The following ADAMTS17 variants were observed in gnomAD, a reference collection of about 807,000 sequenced individuals.
ADAMTS17 encodes the protein A disintegrin and metalloproteinase with thrombospondin motifs 17.
Under a neutral mutation model 141.5 loss-of-function variants are expected in ADAMTS17, and 113 were observed. The observed-to-expected ratio is 0.80, with a 90% CI of 0.69 to 0.93. The LOEUF (loss-of-function observed/expected upper bound fraction) is 0.93. Among genes scored for constraint, ADAMTS17 ranks in the 40% least tolerant of loss-of-function variants. ADAMTS17 has a pLI of 0.00. For synonymous variants in ADAMTS17, 768 were observed against 630.6 expected (o/e 1.22, Z -3.27); for missense variants, 1,659 against 1,517.9 (o/e 1.09, Z -1.54).
chr15:100,270,780 A>G, intron 4 of ADAMTS17, among the ~76,000 whole-genome samples: 1 of 146,246 alleles, frequency 6.8e-6, no homozygotes, highest in Non-Finnish European at 1.5e-5. Context: ...TACCATTTTA[A>G]ACATTTTTAA....
intron 8 of ADAMTS17, among the ~76,000 whole-genome samples, chr15:100,164,688 A>T (rs74037521): frequency 1.3e-5 from 2 of 152,132 alleles, no homozygotes; most frequent in Non-Finnish European, 1.5e-5. Context: ...AGGCAGGTGG[A>T]CTGGCGGGGA....
Position 100,152,636 on chromosome 15 carries a change from A to C in ADAMTS17, c.1449T>G (p.Asn483Lys), listed in dbSNP as rs1405247921. The change falls in exon 10 of 22, where the codon AAT becomes AAG. Residue 483 changes from asparagine to lysine, a missense_variant. Physicochemically the swap from Asn to Lys is moderately conservative, Grantham distance 94 (BLOSUM62 0). Coordinates refer to ENST00000268070, the MANE Select transcript of ADAMTS17 (RefSeq NM_139057.4). ...CCTCCATGTTTCTGCAGAAGGTGGC[A>C]TTCATGCCAAACAGGATCTGGCACT... is the stretch of plus-strand genomic sequence containing the variant. ...NEQCQILFGM[N>K]ATFCRNMEHL... 3 of 1,613,980 alleles carry C rather than the reference A, an allele frequency of 1.9e-6. No homozygotes were observed. In the East Asian group the frequency reaches 6.7e-5, roughly 36 times the overall value.
chr15:100,156,906 C>T (rs2039462803), intron 8 of ADAMTS17, among the ~76,000 whole-genome samples: 1 of 152,174 alleles, frequency 6.6e-6, no homozygotes, highest in Non-Finnish European at 1.5e-5. Flanking sequence ...GTGTATTAGT[C>T]CATTTTCACA....
chr15:100,097,293 G>A (rs1473952469), intron 14 of ADAMTS17, among the ~76,000 whole-genome samples: 1 of 152,120 alleles, frequency 6.6e-6, no homozygotes, highest in Non-Finnish European at 1.5e-5. Context: ...TAAAGCTAAT[G>A]CTTCCAGAAC....
intron 8 of ADAMTS17, among the ~76,000 whole-genome samples, chr15:100,194,948 G>C (rs1012785791): frequency 3.9e-5 from 6 of 152,204 alleles, no homozygotes; most frequent in African/African-American, 1.4e-4. Context: ...AAGGCAAAAG[G>C]AGACCCCGGC....
At chr15:100,297,478 G>A (rs745690241) in intron 3 of ADAMTS17, among the ~76,000 whole-genome samples, 1 of 152,120 alleles carries the variant, frequency 6.6e-6, no homozygotes, top group African/African-American at 2.4e-5. Flanking sequence ...AACTGCAGGT[G>A]GGAAGAAGCA....
chr15:100,275,682 T>C (rs1247067707), intron 4 of ADAMTS17, among the ~76,000 whole-genome samples: 2 of 152,032 alleles, frequency 1.3e-5, no homozygotes, highest in Non-Finnish European at 2.9e-5. Flanking sequence ...AAAATGGGAA[T>C]GACGAAATCC....
intron 3 of ADAMTS17, among the ~76,000 whole-genome samples, chr15:100,283,818 G>T (rs1244117575): frequency 6.6e-6 from 1 of 152,154 alleles, no homozygotes; most frequent in East Asian, 1.9e-4. Context: ...TCAAAATCCT[G>T]CACTGCACTG....
At chr15:100,107,321 C>G (rs1037217392) in intron 14 of ADAMTS17, among the ~76,000 whole-genome samples, 2 of 152,140 alleles carry the variant, frequency 1.3e-5, no homozygotes, top group African/African-American at 4.8e-5. Flanking sequence ...GCCTGGAAGC[C>G]AGCATCTGGC....
chr15:100,048,519 A>G (rs1000742506), intron 18 of ADAMTS17, among the ~76,000 whole-genome samples: 2 of 148,842 alleles, frequency 1.3e-5, no homozygotes, highest in African/African-American at 5.0e-5. Context: ...AGACTCCAAT[A>G]TTTGTTTCCT....
chr15:100,299,391 A>C (rs1281254833), intron 3 of ADAMTS17, among the ~76,000 whole-genome samples: 1 of 151,824 alleles, frequency 6.6e-6, no homozygotes, highest in Non-Finnish European at 1.5e-5. Context: ...ATCCGCAAAA[A>C]ACAAACGCCA....
intron 10 of ADAMTS17, 23 bp downstream of exon 10, chr15:100,152,589 C>A: frequency 1.6e-5 from 26 of 1,612,430 alleles, no homozygotes; most frequent in Non-Finnish European, 2.1e-5. Flanking sequence ...CTGTCCCGAG[C>A]CAGCCCTCCC....
chr15:100,078,841 A>G (rs931566075), intron 15 of ADAMTS17, among the ~76,000 whole-genome samples: 1 of 152,230 alleles, frequency 6.6e-6, no homozygotes, highest in African/African-American at 2.4e-5. Flanking sequence ...CTGCATCCAG[A>G]ATATATAAAG....
chr15:99,994,006 T>TGCGTCTGGAGC (rs1401865335), intron 19 of ADAMTS17, among the ~76,000 whole-genome samples: 12 of 151,758 alleles, frequency 7.9e-5, no homozygotes, highest in African/African-American at 2.4e-5. Context: ...CACTCTGGAG[T>TGCGTCTGGAGC]GCGTCTGGAG....
intron 8 of ADAMTS17, among the ~76,000 whole-genome samples, chr15:100,174,164 C>T (rs189584713): frequency 4.6e-5 from 7 of 152,336 alleles, no homozygotes; most frequent in Admixed American, 4.6e-4. Flanking sequence ...TCACAGACTT[C>T]TTAGCTAGGC....
intron 15 of ADAMTS17, among the ~76,000 whole-genome samples, chr15:100,078,591 T>C (rs1415575806): frequency 2.6e-5 from 4 of 152,194 alleles, no homozygotes; most frequent in Non-Finnish European, 4.4e-5. Context: ...CAGATGTAAA[T>C]ATCAGAGCTA....
At chr15:100,133,084 G>T in intron 11 of ADAMTS17, 130 bp downstream of exon 11, 1 of 829,708 alleles carries the variant, frequency 1.2e-6, no homozygotes, top group Non-Finnish European at 1.9e-6. Flanking sequence ...GCCTCCATGG[G>T]CATTTCTGTG....
At position 100,114,241 on chromosome 15, in the gene ADAMTS17, C is replaced by A. The variant is rs561553040; in HGVS notation, c.1888+2606G>T. On this transcript the variant is annotated intron_variant, in intron 13 of 21. Coordinates refer to ENST00000268070, the MANE Select transcript of ADAMTS17 (RefSeq NM_139057.4). ...CCCTTCTTTTGAACTGTGCGTCACTCGCCAAAGAATTCCGCAGCGATAGCA... is the reference window on the plus strand; with the variant it reads ...CCCTTCTTTTGAACTGTGCGTCACTAGCCAAAGAATTCCGCAGCGATAGCA... Among the ~76,000 whole-genome samples the A allele has an allele frequency of 2.2e-4, 34 of 151,572 alleles. No individual in the cohort carries two copies. The South Asian group carries it at 7.1e-3, about 32-fold the overall frequency.
chr15:100,052,531 T>G (rs1384042792), intron 16 of ADAMTS17, among the ~76,000 whole-genome samples: 3 of 152,248 alleles, frequency 2.0e-5, no homozygotes, highest in Non-Finnish European at 4.4e-5. Context: ...GCTAACCACT[T>G]GCTCAGTTTA....
Sources: allele counts gnomAD v4.1 joint callset (sites outside exome capture counted in the v4.1 genomes callset), GRCh38; gene constraint gnomAD v4.1.1; transcripts MANE v1.5; gene names NCBI Gene and HGNC (gene_info 2026-07-23, HGNC 2026-07-21).